Variants in DMD observed in about 807,000 individuals in gnomAD.
DMD encodes the protein mutant dystrophin.
In DMD, 63 loss-of-function variants were observed where a neutral mutation model predicts 330.1. The ratio of observed to expected loss-of-function variants is 0.19; its 90% CI spans 0.16 to 0.24. The LOEUF (loss-of-function observed/expected upper bound fraction) is 0.24. Among genes scored for constraint, DMD ranks in the 10% least tolerant of loss-of-function variants. The probability of loss-of-function intolerance (pLI) is 1.00; values close to 1 mark genes in which losing one functional copy is unlikely to be tolerated. For missense variants in DMD, 3,344 were observed against 2,684.1 expected, an observed-to-expected ratio of 1.25 and a Z score of -5.43; for synonymous variants, 1,223 against 959.8, an observed-to-expected ratio of 1.27 and a Z score of -5.07.
At chrX:32,706,623 C>G (rs766683228) in intron 7 of DMD, among the ~76,000 whole-genome samples, 1 of 111,325 alleles carries the variant, frequency 9.0e-6, no homozygotes, top group African/African-American at 3.3e-5. Flanking sequence ...ATGCATAATG[C>G]TTGCCTAGAG....
At chrX:31,965,386 T>TAAG (rs753929558) in intron 45 of DMD, among the ~76,000 whole-genome samples, 1 of 111,748 alleles carries the variant, frequency 8.9e-6, no homozygotes, top group South Asian at 3.7e-4. Context: ...GCACATATAA[T>TAAG]AAGTACTGCA....
intron 12 of DMD, among the ~76,000 whole-genome samples, chrX:32,597,314 A>G (rs750672777): frequency 5.4e-5 from 6 of 111,508 alleles, no homozygotes; most frequent in Non-Finnish European, 7.5e-5. Context: ...TCTACTTACT[A>G]TAATAGGCAG....
chrX:32,740,680 A>G (rs984066348), intron 7 of DMD, among the ~76,000 whole-genome samples: 16 of 111,691 alleles, frequency 1.4e-4, no homozygotes, highest in Non-Finnish European at 1.5e-4. Context: ...TGGAGGGCAT[A>G]AACTCATGGA....
chrX:33,221,239 C>G (rs1024900277), intron 1 of DMD, among the ~76,000 whole-genome samples: 5 of 111,451 alleles, frequency 4.5e-5, no homozygotes, highest in African/African-American at 1.6e-4. Flanking sequence ...TCCCTGCCCT[C>G]AAATAGATTA....
intron 7 of DMD, among the ~76,000 whole-genome samples, chrX:32,788,240 G>A (rs1199984142): frequency 2.7e-5 from 3 of 111,807 alleles, no homozygotes; most frequent in Non-Finnish European, 5.6e-5. Context: ...TTGCTAGGTA[G>A]GACTACTATT....
intron 29 of DMD, among the ~76,000 whole-genome samples, chrX:32,436,598 A>T (rs1332562029): frequency 2.7e-5 from 3 of 111,655 alleles, no homozygotes; most frequent in African/African-American, 6.5e-5. Context: ...TAATAGAGTT[A>T]ATACCAAGAT....
At chrX:31,468,734 C>T (rs2067056181) in intron 59 of DMD, among the ~76,000 whole-genome samples, 1 of 111,172 alleles carries the variant, frequency 9.0e-6, no homozygotes, top group African/African-American at 3.3e-5. Flanking sequence ...TTTTCTGTTT[C>T]GTTGATCCGT....
intron 67 of DMD, among the ~76,000 whole-genome samples, chrX:31,183,268 G>A (rs2041358143): frequency 9.2e-6 from 1 of 108,946 alleles, no homozygotes; most frequent in Non-Finnish European, 1.9e-5. Flanking sequence ...AAATGCAGGT[G>A]TTTACTGATA....
chrX:31,343,394 T>A, intron 61 of DMD, among the ~76,000 whole-genome samples: 1 of 111,205 alleles, frequency 9.0e-6, no homozygotes, highest in Non-Finnish European at 1.9e-5. Flanking sequence ...AGAAGGGTCA[T>A]ATTTCACAAT....
intron 4 of DMD, 78 bp downstream of exon 4, chrX:32,844,705 A>G: frequency 2.3e-6 from 2 of 861,447 alleles, no homozygotes; most frequent in Non-Finnish European, 3.5e-6. Flanking sequence ...CTTTCTCTGC[A>G]TTTGGGGCCA....
intron 62 of DMD, among the ~76,000 whole-genome samples, chrX:31,294,563 T>A (rs1280643024): frequency 8.9e-6 from 1 of 112,285 alleles, no homozygotes. Context: ...GGTTGGATTA[T>A]CTTTGACATT....
intron 74 of DMD, among the ~76,000 whole-genome samples, chrX:31,153,550 C>A (rs1467849403): frequency 6.3e-5 from 7 of 110,855 alleles, no homozygotes; most frequent in Non-Finnish European, 1.1e-4. Flanking sequence ...TCATTTTTCA[C>A]TCCATATATT....
intron 1 of DMD, among the ~76,000 whole-genome samples, chrX:33,248,335 CT>C (rs1233178684): frequency 8.9e-6 from 1 of 112,286 alleles, no homozygotes; most frequent in Non-Finnish European, 1.9e-5. Context: ...GCCACTGCGC[CT>C]GGCCGCGAGA....
At chrX:33,025,069 C>T (rs59210132) in intron 1 of DMD, among the ~76,000 whole-genome samples, 7,363 of 111,720 alleles carry the variant, frequency 0.066, 589 homozygotes, top group African/African-American at 0.22. Context: ...AAATATGAAA[C>T]ATTTTGCATA....
chrX:33,052,601 C>T (rs2094470188), intron 1 of DMD, among the ~76,000 whole-genome samples: 1 of 111,605 alleles, frequency 9.0e-6, no homozygotes, highest in Non-Finnish European at 1.9e-5. Flanking sequence ...AACAAGATTG[C>T]TAAGTTAGAA....
intron 2 of DMD, among the ~76,000 whole-genome samples, chrX:32,910,662 C>G (rs1271740040): frequency 9.0e-6 from 1 of 111,193 alleles, no homozygotes; most frequent in Non-Finnish European, 1.9e-5. Context: ...AGGCTGGTCT[C>G]GAAATCCTGA....
chrX:31,150,679 C>G (rs1345482467), intron 74 of DMD, among the ~76,000 whole-genome samples: 1 of 111,824 alleles, frequency 8.9e-6, no homozygotes, highest in East Asian at 2.8e-4. Flanking sequence ...TTTGAGAAAG[C>G]AAGATCATCT....
At chrX:32,462,162 C>T (rs1009698247) in intron 25 of DMD, among the ~76,000 whole-genome samples, 4 of 110,928 alleles carry the variant, frequency 3.6e-5, no homozygotes, top group African/African-American at 9.8e-5. Context: ...CCAATAGATG[C>T]CTGAAACCAT....
At chrX:32,569,769 C>T (rs1459590159) in intron 15 of DMD, among the ~76,000 whole-genome samples, 1 of 110,875 alleles carries the variant, frequency 9.0e-6, no homozygotes, top group Non-Finnish European at 1.9e-5. Context: ...TTCTGTAGCC[C>T]TTATATACCA....
Sources: gnomAD v4.1 joint callset for allele counts (sites outside exome capture counted in the v4.1 genomes callset) on GRCh38, gnomAD v4.1.1 for gene constraint, MANE v1.5 for transcripts, NCBI Gene and HGNC (gene_info 2026-07-23, HGNC 2026-07-21) for gene names.